Variants in WDR70 observed in about 807,000 individuals in gnomAD.
WDR70 encodes the protein WD repeat domain 70, also known as WD repeat-containing protein 70.
Under a neutral mutation model 88.6 loss-of-function variants are expected in WDR70, and 53 were observed. The observed-to-expected ratio is 0.60, with a 90% confidence interval of 0.48 to 0.75. The LOEUF (loss-of-function observed/expected upper bound fraction) is 0.75. Ranked by LOEUF, WDR70 falls within the 30% of genes least tolerant of loss-of-function variation. WDR70 has a pLI of 0.00. For missense variants in WDR70, 610 were observed against 823.2 expected (o/e 0.74, Z 3.17); for synonymous variants, 280 against 270.0 (o/e 1.04, Z -0.36).
chr5:37,454,963 G>A (rs1370767421), intron 7 of WDR70, among the ~76,000 whole-genome samples: 1 of 152,094 alleles, frequency 6.6e-6, no homozygotes, highest in African/African-American at 2.4e-5. Context: ...AATACTACCA[G>A]TTTTTTGGTG....
intron 9 of WDR70, among the ~76,000 whole-genome samples, chr5:37,542,675 A>G (rs1430264307): frequency 6.6e-6 from 1 of 152,178 alleles, no homozygotes; most frequent in Non-Finnish European, 1.5e-5. Flanking sequence ...CATGGCAGGC[A>G]TTACACAAAT....
chr5:37,634,533 A>G (rs569170867), intron 10 of WDR70, among the ~76,000 whole-genome samples: 2 of 152,268 alleles, frequency 1.3e-5, no homozygotes, highest in South Asian at 4.1e-4. Flanking sequence ...GTCTATGATC[A>G]GACTTACATT....
chr5:37,522,498 G>T (rs1462490500), intron 9 of WDR70, among the ~76,000 whole-genome samples: 3 of 150,480 alleles, frequency 2.0e-5, no homozygotes, highest in Non-Finnish European at 4.4e-5. Context: ...AAAAAAAGGT[G>T]GCAGTTCCAA....
chr5:37,679,336 C>G (rs1246103980), intron 10 of WDR70, among the ~76,000 whole-genome samples: 3 of 151,660 alleles, frequency 2.0e-5, no homozygotes, highest in African/African-American at 7.3e-5. Flanking sequence ...AGTTTTTCTG[C>G]TCTGTTTTTT....
intron 13 of WDR70, among the ~76,000 whole-genome samples, chr5:37,707,625 A>G (rs1273623986): frequency 1.3e-5 from 2 of 152,030 alleles, no homozygotes; most frequent in African/African-American, 2.4e-5. Flanking sequence ...TTTAAAGTTG[A>G]TTGAAAAGGC....
intron 9 of WDR70, among the ~76,000 whole-genome samples, chr5:37,579,772 G>A (rs529206509): frequency 4.6e-5 from 7 of 152,088 alleles, no homozygotes; most frequent in Admixed American, 4.6e-4. Context: ...CACCCACAAT[G>A]GAATTTTTCT....
At chr5:37,622,460 C>G (rs1283661860) in intron 10 of WDR70, among the ~76,000 whole-genome samples, 2 of 151,932 alleles carry the variant, frequency 1.3e-5, no homozygotes, top group African/African-American at 2.4e-5. Flanking sequence ...TATTGCAGCA[C>G]TATTCACAAT....
intron 9 of WDR70, among the ~76,000 whole-genome samples, chr5:37,599,953 A>T (rs1411678318): frequency 1.3e-5 from 2 of 152,108 alleles, no homozygotes; most frequent in African/African-American, 2.4e-5. Context: ...AAATTAACTC[A>T]AAATAAGTCA....
intron 3 of WDR70, among the ~76,000 whole-genome samples, chr5:37,384,887 T>G (rs1748557054): frequency 6.6e-6 from 1 of 152,002 alleles, no homozygotes; most frequent in Non-Finnish European, 1.5e-5. Context: ...ACCGTCTGCC[T>G]GGAGACTACC....
chr5:37,642,215 C>A (rs564532926), intron 10 of WDR70, among the ~76,000 whole-genome samples: 2 of 152,120 alleles, frequency 1.3e-5, no homozygotes, highest in Non-Finnish European at 2.9e-5. Flanking sequence ...ACCCATAATA[C>A]CCTGTCTGCT....
At chr5:37,508,250 A>G (rs1740620274) in intron 8 of WDR70, among the ~76,000 whole-genome samples, 1 of 152,070 alleles carries the variant, frequency 6.6e-6, no homozygotes, top group Non-Finnish European at 1.5e-5. Flanking sequence ...ATGAGGGTGG[A>G]TTCTCTATGA....
intron 9 of WDR70, among the ~76,000 whole-genome samples, chr5:37,521,738 A>ACC (rs1230448020): frequency 1.1e-4 from 15 of 136,110 alleles, no homozygotes; most frequent in African/African-American, 3.2e-4. Context: ...ACACACACAC[A>ACC]CACCCACATG....
chr5:37,703,909 T>C (rs185349198), intron 13 of WDR70, among the ~76,000 whole-genome samples: 51 of 152,336 alleles, frequency 3.3e-4, no homozygotes, highest in Middle Eastern at 3.4e-3. Flanking sequence ...ACAGTGCTCT[T>C]ATGTAGGTTT....
At chr5:37,423,994 C>T (rs1434212208) in intron 5 of WDR70, among the ~76,000 whole-genome samples, 2 of 149,638 alleles carry the variant, frequency 1.3e-5, no homozygotes, top group East Asian at 4.0e-4. Context: ...ACTAAAAATA[C>T]AAAAATTAGC....
At chr5:37,500,896 C>T (rs1271746431) in intron 8 of WDR70, among the ~76,000 whole-genome samples, 1 of 151,728 alleles carries the variant, frequency 6.6e-6, no homozygotes, top group Non-Finnish European at 1.5e-5. Context: ...CGCCACCACA[C>T]CTGGCTAATT....
intron 5 of WDR70, among the ~76,000 whole-genome samples, chr5:37,402,328 T>TGTGTG (rs60585321): frequency 6.7e-6 from 1 of 149,016 alleles, no homozygotes; most frequent in Non-Finnish European, 1.5e-5. Context: ...TGTGTGTGTG[T>TGTGTG]TTTAAATTTT....
intron 10 of WDR70, among the ~76,000 whole-genome samples, chr5:37,692,210 T>C (rs547731116): frequency 7.3e-5 from 11 of 150,554 alleles, no homozygotes; most frequent in Admixed American, 3.3e-4. Context: ...GGCTCTGAAA[T>C]TGAGGCAATA....
chr5:37,728,388 T>C (rs1055343296), intron 17 of WDR70, among the ~76,000 whole-genome samples: 1 of 149,948 alleles, frequency 6.7e-6, no homozygotes, highest in Non-Finnish European at 1.5e-5. Flanking sequence ...AAACTAAAAC[T>C]ATAGACCTTA....
intron 14 of WDR70, chr5:37,722,327 G>A (rs540902150): frequency 7.2e-4 from 111 of 154,210 alleles, no homozygotes; most frequent in Non-Finnish European, 1.4e-3. Flanking sequence ...TACTACTAAG[G>A]AGAAGTGCAA....
Sources: allele counts gnomAD v4.1 joint callset (sites outside exome capture counted in the v4.1 genomes callset), GRCh38; gene constraint gnomAD v4.1.1; transcripts MANE v1.5; gene names NCBI Gene and HGNC (gene_info 2026-07-23, HGNC 2026-07-21).